Variants in PHACTR3 observed in about 807,000 individuals in gnomAD.
PHACTR3 encodes the protein protein phosphatase 1, regulatory subunit 123.
In PHACTR3, 16 loss-of-function variants were observed where a neutral mutation model predicts 66.8. The ratio of observed to expected loss-of-function variants is 0.24; its 90% confidence interval spans 0.16 to 0.36. PHACTR3 has a LOEUF of 0.36. PHACTR3 is among the 10% of genes least tolerant of loss of function. PHACTR3 has a pLI of 1.00. For missense variants in PHACTR3, 647 were observed against 719.9 expected, an observed-to-expected ratio of 0.90 and a Z score of 1.16; for synonymous variants, 323 against 292.1, an observed-to-expected ratio of 1.11 and a Z score of -1.08.
At chr20:59,720,827 G>A (rs2038268041) in intron 1 of PHACTR3, among the ~76,000 whole-genome samples, 1 of 152,238 alleles carries the variant, frequency 6.6e-6, no homozygotes, top group South Asian at 2.1e-4. Context: ...GCTTTCGGAA[G>A]GGAACATTTA....
At chr20:59,601,347 C>T (rs2033474092), upstream of PHACTR3, among the ~76,000 whole-genome samples, 3 of 152,218 alleles carry the variant, frequency 2.0e-5, no homozygotes, top group African/African-American at 4.8e-5. Flanking sequence ...TTAGGATGGA[C>T]CACATTTTAT....
At chr20:59,596,776 T>A (rs2033336149) in intron 1 of PHACTR3, among the ~76,000 whole-genome samples, 1 of 152,212 alleles carries the variant, frequency 6.6e-6, no homozygotes, top group Non-Finnish European at 1.5e-5. Context: ...GCATCTGTTT[T>A]GTGTACTGCT....
At chr20:59,606,686 A>G (rs1414926486) in intron 1 of PHACTR3, among the ~76,000 whole-genome samples, 1 of 152,236 alleles carries the variant, frequency 6.6e-6, no homozygotes, top group East Asian at 1.9e-4. Context: ...CTTGAAATGG[A>G]AATTATGGAG....
chr20:59,720,081 C>T (rs954966685), intron 1 of PHACTR3, among the ~76,000 whole-genome samples: 5 of 152,212 alleles, frequency 3.3e-5, no homozygotes, highest in African/African-American at 1.2e-4. Context: ...AGGGAACAGG[C>T]ATCTGTGCTG....
At chr20:59,794,605 G>A (rs1449861362) in intron 7 of PHACTR3, among the ~76,000 whole-genome samples, 1 of 152,096 alleles carries the variant, frequency 6.6e-6, no homozygotes, top group Non-Finnish European at 1.5e-5. Context: ...GAATAGTTTA[G>A]GAAGAACTGA....
chr20:59,635,106 T>C (rs2034804702), intron 1 of PHACTR3, among the ~76,000 whole-genome samples: 1 of 46,928 alleles, frequency 2.1e-5, no homozygotes, highest in Non-Finnish European at 4.4e-5. Context: ...TCTCTCTCTT[T>C]CTTTCTTTCT....
chr20:59,785,864 T>TCC (rs1568820631), intron 7 of PHACTR3, among the ~76,000 whole-genome samples: 9 of 148,882 alleles, frequency 6.0e-5, no homozygotes, highest in Middle Eastern at 3.2e-3. Flanking sequence ...ATCCCCTGCT[T>TCC]CTGCATCCCC....
At chr20:59,607,767 G>C (rs1305042721) in intron 1 of PHACTR3, among the ~76,000 whole-genome samples, 1 of 152,112 alleles carries the variant, frequency 6.6e-6, no homozygotes, top group Non-Finnish European at 1.5e-5. Context: ...CTGGGTCTCG[G>C]AGATCTTGCC....
chr20:59,670,612 G>GGGC (rs375727870), intron 1 of PHACTR3, among the ~76,000 whole-genome samples: 3 of 135,408 alleles, frequency 2.2e-5, no homozygotes, highest in Admixed American at 7.5e-5. Context: ...GGGTGGGGGG[G>GGGC]GGGGGCAGGC....
upstream of PHACTR3, among the ~76,000 whole-genome samples, chr20:59,599,790 A>C (rs2033422593): frequency 6.6e-6 from 1 of 152,144 alleles, no homozygotes; most frequent in Non-Finnish European, 1.5e-5. Context: ...CCACCTTCAG[A>C]GAACACCGAG....
At chr20:59,595,307 C>G (rs1251096846) in intron 1 of PHACTR3, among the ~76,000 whole-genome samples, 1 of 152,034 alleles carries the variant, frequency 6.6e-6, no homozygotes, top group African/African-American at 2.4e-5. Context: ...CTAAAAAATA[C>G]AAAACTTAGC....
intron 1 of PHACTR3, among the ~76,000 whole-genome samples, chr20:59,623,134 A>G (rs2034320561): frequency 6.6e-6 from 1 of 151,976 alleles, no homozygotes; most frequent in Admixed American, 6.6e-5. Context: ...CAGGAGCATT[A>G]TTGAAAAAAA....
chr20:59,712,182 G>A lies in PHACTR3; in HGVS notation c.119-30925G>A, dbSNP rs545577137. 8.5e-5 allele frequency among the ~76,000 whole-genome samples: 13 copies of A among 152,118 alleles called. No individual in the cohort carries two copies. In the South Asian group the frequency reaches 2.5e-3, roughly 29 times the overall value. ...TTTTTTCCCTAGATTTTCTACAACT[G>A]TACTTTTCAAATTAAACTGAAATCT... On this transcript the variant is annotated intron_variant, in intron 1 of 12. Transcript: ENST00000371015.
At chr20:59,715,437 T>C (rs930959440) in intron 1 of PHACTR3, among the ~76,000 whole-genome samples, 1 of 152,252 alleles carries the variant, frequency 6.6e-6, no homozygotes, top group Non-Finnish European at 1.5e-5. Context: ...TGATTATTTT[T>C]AAATGTCAAG....
chr20:59,734,257 A>G (rs561958452), intron 1 of PHACTR3, among the ~76,000 whole-genome samples: 1 of 152,256 alleles, frequency 6.6e-6, no homozygotes, highest in Non-Finnish European at 1.5e-5. Flanking sequence ...ACGAATGTAG[A>G]ATCAATTAAT....
chr20:59,831,055 C>T (rs1489295066), intron 8 of PHACTR3, among the ~76,000 whole-genome samples: 2 of 152,168 alleles, frequency 1.3e-5, no homozygotes, highest in Admixed American at 1.3e-4. Flanking sequence ...CCTGTCTCCT[C>T]TGTGCTACTC....
chr20:59,752,973 G>T (rs2146811180), intron 3 of PHACTR3, among the ~76,000 whole-genome samples: 1 of 152,286 alleles, frequency 6.6e-6, no homozygotes, highest in African/African-American at 2.4e-5. Context: ...GTCACGAGAA[G>T]GGGCTGGTTT....
intron 1 of PHACTR3, among the ~76,000 whole-genome samples, chr20:59,703,711 G>A (rs1221877342): frequency 6.6e-6 from 1 of 152,078 alleles, no homozygotes; most frequent in African/African-American, 2.4e-5. Context: ...GTGAGTGTGT[G>A]TGTGTGTAAT....
intron 1 of PHACTR3, among the ~76,000 whole-genome samples, chr20:59,668,555 T>C (rs933471999): frequency 9.2e-5 from 14 of 152,208 alleles, no homozygotes; most frequent in Admixed American, 2.6e-4. Flanking sequence ...CTCTCCACCA[T>C]TTAAGATACA....
Sources: gnomAD v4.1 joint callset for allele counts (sites outside exome capture counted in the v4.1 genomes callset) on GRCh38, gnomAD v4.1.1 for gene constraint, MANE v1.5 for transcripts, NCBI Gene and HGNC (gene_info 2026-07-23, HGNC 2026-07-21) for gene names.